SCAPER: variants seen among roughly 807,000 people sequenced by gnomAD.
SCAPER encodes the protein S-phase cyclin A associated protein in the ER, also known as S phase cyclin A-associated protein in the endoplasmic reticulum.
In SCAPER, 98 loss-of-function variants were observed where a neutral mutation model predicts 182.2. That is an observed-to-expected ratio of 0.54 (90% CI 0.46 to 0.64). SCAPER has a LOEUF of 0.64. Among genes scored for constraint, SCAPER ranks in the 30% least tolerant of loss-of-function variants. The pLI is 0.00. For synonymous variants in SCAPER, 605 were observed against 564.6 expected (o/e 1.07, Z -1.01); for missense variants, 1,432 against 1,690.0 (o/e 0.85, Z 2.68).
chr15:76,697,745 T>C (rs1051382018), intron 20 of SCAPER, among the ~76,000 whole-genome samples: 2 of 152,140 alleles, frequency 1.3e-5, no homozygotes, highest in Non-Finnish European at 2.9e-5. Context: ...GTTCAAGCAA[T>C]TCTCCTGCCT....
intron 16 of SCAPER, among the ~76,000 whole-genome samples, chr15:76,732,559 T>C (rs757752042): frequency 2.0e-5 from 3 of 152,054 alleles, no homozygotes; most frequent in Non-Finnish European, 4.4e-5. Context: ...AAGATGCTCA[T>C]TGCCAAGCGG....
intron 26 of SCAPER, among the ~76,000 whole-genome samples, chr15:76,426,477 C>T (rs189363395): frequency 1.1e-3 from 162 of 152,228 alleles, no homozygotes; most frequent in Middle Eastern, 0.01. Flanking sequence ...CCGTCTTCTG[C>T]GTCGCTCATG....
intron 25 of SCAPER, among the ~76,000 whole-genome samples, chr15:76,444,651 C>G (rs1356859323): frequency 6.6e-6 from 1 of 152,186 alleles, no homozygotes; most frequent in East Asian, 1.9e-4. Flanking sequence ...ACCATTTCAG[C>G]TACTATTTCT....
At chr15:76,831,309 CCA>C (rs985721473) in intron 5 of SCAPER, among the ~76,000 whole-genome samples, 8 of 152,044 alleles carry the variant, frequency 5.3e-5, no homozygotes, top group Non-Finnish European at 7.4e-5. Flanking sequence ...CCCTCCCTGG[CCA>C]CACACACTCG....
At chr15:76,878,468 G>A (rs2073327996) in intron 2 of SCAPER, among the ~76,000 whole-genome samples, 1 of 151,964 alleles carries the variant, frequency 6.6e-6, no homozygotes, top group Non-Finnish European at 1.5e-5. Context: ...TAATCATAAA[G>A]GAAAAATTTA....
At chr15:76,738,723 T>C (rs1325108570) in intron 15 of SCAPER, among the ~76,000 whole-genome samples, 3 of 152,162 alleles carry the variant, frequency 2.0e-5, no homozygotes, top group Non-Finnish European at 2.9e-5. Flanking sequence ...TGCTGTCATA[T>C]ATGAGTGTGG....
intron 21 of SCAPER, among the ~76,000 whole-genome samples, chr15:76,643,522 A>C (rs1350333671): frequency 6.6e-6 from 1 of 152,086 alleles, no homozygotes; most frequent in Non-Finnish European, 1.5e-5. Flanking sequence ...TCTCTACTAA[A>C]AATACAAAAA....
chr15:76,847,221 G>A lies in SCAPER; in HGVS notation c.196-5290C>T, dbSNP rs536792386. 2.6e-5 allele frequency among the ~76,000 whole-genome samples: 4 copies of A among 152,136 alleles called. No homozygotes were observed. In the East Asian group the frequency reaches 5.8e-4, roughly 22 times the overall value. The stretch of plus-strand genomic sequence containing the variant: ...GGTAGCAGGGGAGTAGGGGGGAAGT[G>A]GAGATAGTTAATGGGTACAAAAAAA... On this transcript the variant is annotated intron_variant, in intron 4 of 31. Transcript: ENST00000563290.
rs946107588 is a variant in SCAPER, at chr15:76,893,187, G to A, written c.-59-9311C>T. ...ACCGGAGCCTGTCACTGGGTGGGGG[G>A]CTGAGGGAGGGATAGCATTAGGAGA... On this transcript the variant is annotated intron_variant, in intron 1 of 31. Transcript: ENST00000563290. Among the ~76,000 whole-genome samples, 11 of 152,284 alleles carry A rather than the reference G, an allele frequency of 7.2e-5. No homozygotes were observed. The South Asian group carries it at 1.7e-3, about 23-fold the overall frequency.
chr15:76,835,749 A>C (rs1235877704), intron 5 of SCAPER, among the ~76,000 whole-genome samples: 1 of 152,148 alleles, frequency 6.6e-6, no homozygotes, highest in Non-Finnish European at 1.5e-5. Context: ...AGAGGAAGTC[A>C]AGCTGTCTCT....
At chr15:76,827,253 T>C (rs1303250907) in intron 5 of SCAPER, among the ~76,000 whole-genome samples, 1 of 152,226 alleles carries the variant, frequency 6.6e-6, no homozygotes, top group Non-Finnish European at 1.5e-5. Context: ...GCTGAGGTTA[T>C]TTCATCCTGT....
intron 4 of SCAPER, among the ~76,000 whole-genome samples, chr15:76,851,516 G>A (rs1021809189): frequency 6.6e-6 from 1 of 152,168 alleles, no homozygotes; most frequent in Non-Finnish European, 1.5e-5. Flanking sequence ...AGCCAGAAGA[G>A]ACTGGGGGCC....
chr15:76,459,337 T>C (rs976813467), intron 25 of SCAPER, among the ~76,000 whole-genome samples: 1 of 152,200 alleles, frequency 6.6e-6, no homozygotes, highest in Admixed American at 6.5e-5. Flanking sequence ...TATGGCTAAG[T>C]AGTATTCCAT....
chr15:76,716,439 A>G (rs939219273), intron 17 of SCAPER, among the ~76,000 whole-genome samples: 1 of 152,124 alleles, frequency 6.6e-6, no homozygotes, highest in Non-Finnish European at 1.5e-5. Flanking sequence ...AAGGAACACA[A>G]TAACTCTCCA....
At chr15:76,466,771 G>A (rs1268054640) in intron 25 of SCAPER, among the ~76,000 whole-genome samples, 1 of 149,066 alleles carries the variant, frequency 6.7e-6, no homozygotes, top group Non-Finnish European at 1.5e-5. Flanking sequence ...AACTTTGGGG[G>A]GGATACAACT....
At chr15:76,538,902 A>T (rs2044462843) in intron 23 of SCAPER, among the ~76,000 whole-genome samples, 1 of 152,232 alleles carries the variant, frequency 6.6e-6, no homozygotes, top group East Asian at 1.9e-4. Context: ...TCCGAAAAAC[A>T]TGAAGACTGA....
chr15:76,416,686 T>C (rs931383341), intron 26 of SCAPER, among the ~76,000 whole-genome samples: 5 of 151,794 alleles, frequency 3.3e-5, no homozygotes, highest in Non-Finnish European at 1.5e-5. Context: ...TCAACATCTA[T>C]CATAAGAAAA....
At chr15:76,751,136 T>C (rs565145071) in intron 15 of SCAPER, among the ~76,000 whole-genome samples, 2 of 151,760 alleles carry the variant, frequency 1.3e-5, no homozygotes, top group East Asian at 1.9e-4. Flanking sequence ...CCATTAACAA[T>C]AGCACCAAAA....
intron 24 of SCAPER, among the ~76,000 whole-genome samples, chr15:76,484,621 C>T (rs1372023441): frequency 6.6e-6 from 1 of 151,934 alleles, no homozygotes; most frequent in East Asian, 1.9e-4. Context: ...AGGAGAGACT[C>T]CTCCTTAACT....
Sources: allele counts gnomAD v4.1 joint callset (sites outside exome capture counted in the v4.1 genomes callset), GRCh38; gene constraint gnomAD v4.1.1; transcripts MANE v1.5; gene names NCBI Gene and HGNC (gene_info 2026-07-23, HGNC 2026-07-21).